Variants in FCRLB observed in about 807,000 individuals in gnomAD.
FCRLB encodes Fc receptor like B.
A neutral mutation model predicts 33.6 loss-of-function variants in FCRLB; 34 were observed. The observed-to-expected ratio is 1.01, with a 90% CI of 0.77 to 1.35. The LOEUF (loss-of-function observed/expected upper bound fraction) is 1.35, where lower values mean the gene tolerates loss of function less well. Among genes scored for constraint, FCRLB ranks in the 40% most tolerant of loss-of-function variants. FCRLB has a pLI of 0.00. For missense variants in FCRLB, 560 were observed against 580.2 expected (o/e 0.97, Z 0.36); for synonymous variants, 280 against 255.9 (o/e 1.09, Z -0.90).
chr1:161,727,081 TGG>T, intron 7 of FCRLB, 88 bp downstream of exon 7: 2 of 784,310 alleles, frequency 2.6e-6, no homozygotes, highest in Non-Finnish European at 3.2e-6. Flanking sequence ...CCCCGCCCCC[TGG>T]TTCCCGTCCC....
intron 5 of FCRLB, among the ~76,000 whole-genome samples, chr1:161,723,889 C>G (rs67476681): frequency 0.082 from 12,435 of 152,184 alleles, 1,150 homozygotes; most frequent in East Asian, 0.39. Flanking sequence ...GAGACCAGCT[C>G]AGAAGAGCAA....
At chr1:161,725,227 C>T (rs1683500883) in intron 5 of FCRLB, among the ~76,000 whole-genome samples, 1 of 152,184 alleles carries the variant, frequency 6.6e-6, no homozygotes, top group African/African-American at 2.4e-5. Flanking sequence ...TCTCTGGCAT[C>T]TTTGCTCCCT....
In FCRLB at chr1:161,726,599, C is replaced by A. The variant is rs375372824; in HGVS notation, c.575-104C>A. ...TGGACACACGGCCTCCTCCCCTCCC[C>A]CCTTGGTCTGTGGGTCTGCAAGGAG... On this transcript the variant is annotated intron_variant, in intron 6 of 7. Coordinates refer to ENST00000367948, the Ensembl canonical transcript of FCRLB. This position sits in a 1 kb window ranked among gnomAD's most constrained non-coding sequence, Gnocchi z 5.2. 6.8e-5 allele frequency: 100 copies of A among 1,472,368 alleles called. No homozygotes were observed. The highest frequency in any genetic ancestry group is 1.0e-5 in the Non-Finnish European group (11 of 1,089,596). The allele number at this position is 1,472,368 out of a possible 1,614,324, so 91.2% of individuals were successfully genotyped here. A position where few individuals can be genotyped will look rare whatever the true frequency, so the allele number is the denominator to read the frequency against.
At chr1:161,727,491 C>T in exon 8 of FCRLB, 1 of 1,614,174 alleles carries the variant, frequency 6.2e-7, no homozygotes, top group Non-Finnish European at 8.5e-7. Context: ...TGAAACCCGA[C>T]GTGGACCTTC....
exon 8 of FCRLB, chr1:161,727,607 C>T (rs1405876779): frequency 4.3e-6 from 7 of 1,614,056 alleles, no homozygotes; most frequent in Non-Finnish European, 5.9e-6. Context: ...GAGACCCCCA[C>T]CTCTCACTTT....
chr1:161,721,586 GAC>G (rs1683379305), exon 1 of FCRLB: 1 of 152,194 alleles, frequency 6.6e-6, no homozygotes. Context: ...CCTGGGAGTT[GAC>G]AGTACCTGAT....
Position 161,724,636 on chromosome 1 carries a change from A to G in FCRLB, c.307+1015A>G, listed in dbSNP as rs145739258. On this transcript the variant is annotated intron_variant, in intron 5 of 7. Transcript: ENST00000367948. ...TAGCACTTACACACACTTCATATTC[A>G]TACTCTGTGGTTTCTTGTTCGGAAA... Among the ~76,000 whole-genome samples the G allele has an allele frequency of 5.9e-3, 905 of 152,274 alleles. 1 individual carries two copies. Among genetic ancestry groups the G allele is most frequent in the Middle Eastern group, 0.031 (9 of 294 alleles).
Position 161,726,919 on chromosome 1 carries a change from C to A in FCRLB, c.791C>A (p.Ser264Ter). Residue 264 changes from serine (S) to a stop codon, truncating the protein, a stop_gained, in exon 7 of 8, where the codon TCG (serine) becomes TAG (stop). Transcript: ENST00000367948. LOFTEE classifies it high-confidence loss of function. The surrounding 1 kb of genome is among the most constrained non-coding windows in gnomAD (Gnocchi z 5.2). ...GAGCCCGAGGTCGAGGAGCTCGAATCGTACTGGTGCGAGGCGGCTACCGCC... is the reference window on the plus strand; with the variant it reads ...GAGCCCGAGGTCGAGGAGCTCGAATAGTACTGGTGCGAGGCGGCTACCGCC... The A allele has an allele frequency of 6.4e-7, 1 of 1,573,936 alleles. No homozygotes were observed. The highest frequency in any genetic ancestry group is 8.6e-7 in the Non-Finnish European group (1 of 1,159,812).
Position 161,726,571 on chromosome 1 carries a change from AC to A in FCRLB, c.575-131del. On this transcript the variant is annotated intron_variant, in intron 6 of 7. Transcript: ENST00000367948. The surrounding 1 kb of genome is among the most constrained non-coding windows in gnomAD (Gnocchi z 5.2). ...TTCAGAAGGCTCCCCTTCCCCCTCC[AC>A]GTGGACACACGGCCTCCTCCCCTCC... 1 of 1,260,480 alleles carries A rather than the reference AC, an allele frequency of 7.9e-7. No homozygotes were observed. Among genetic ancestry groups the A allele is most frequent in the Non-Finnish European group, 1.1e-6 (1 of 897,398 alleles). 78.1% of individuals were successfully genotyped at this position (1,260,480 alleles called of 1,614,324 possible).
chr1:161,723,653 C>A (rs575492581), intron 5 of FCRLB, 32 bp downstream of exon 5: 6 of 1,599,484 alleles, frequency 3.8e-6, no homozygotes, highest in Non-Finnish European at 5.1e-6. Context: ...GGAGGGGGAG[C>A]ACGTGTCTCC....
Position 161,726,764 on chromosome 1 carries a change from G to A in FCRLB, c.636G>A (p.Leu212=), listed in dbSNP as rs767152206. ...CGCGGGAGGCCCGCGGCGCGGCGCT[G>A]GGTGGGGTGGTGCTGCGCTGCGACA... The change falls in exon 7 of 8, where the codon CTG becomes CTA. Residue 212 remains leucine (L), a synonymous_variant. Coordinates refer to ENST00000367948, the Ensembl canonical transcript of FCRLB. The surrounding 1 kb of genome is among the most constrained non-coding windows in gnomAD (Gnocchi z 5.2). The A allele has an allele frequency of 9.5e-6, 15 of 1,584,224 alleles. No homozygotes were observed. Among genetic ancestry groups the A allele is most frequent in the Non-Finnish European group, 1.3e-5 (15 of 1,168,676 alleles).
At chr1:161,727,708 C>G in exon 8 of FCRLB, 3 of 1,517,774 alleles carry the variant, frequency 2.0e-6, no homozygotes, top group Non-Finnish European at 2.6e-6. Context: ...TCCTTGGTCT[C>G]CTGCTTCCCC....
chr1:161,723,486 A>C, exon 5 of FCRLB: 1 of 1,614,174 alleles, frequency 6.2e-7, no homozygotes, highest in Non-Finnish European at 8.5e-7. Flanking sequence ...CCAGCCCATC[A>C]GCACTCTCTG....
intron 4 of FCRLB, 95 bp downstream of exon 4, chr1:161,723,104 G>A (rs1232856523): frequency 8.8e-6 from 13 of 1,481,430 alleles, no homozygotes; most frequent in Admixed American, 3.4e-5. Flanking sequence ...TCTTGGCTGC[G>A]CTGGGATAGT....
At position 161,726,105 on chromosome 1, in the gene FCRLB, C is replaced by G. The variant is rs1369671248; in HGVS notation, c.574+18C>G. ...AGTGCAAGGTGGGAGAGACCAGGGGCCCCGGGAGGGAGGCAAATGAGCATT... is the reference window on the plus strand; with the variant it reads ...AGTGCAAGGTGGGAGAGACCAGGGGGCCCGGGAGGGAGGCAAATGAGCATT... On this transcript the variant is annotated intron_variant, in intron 6 of 7. Coordinates refer to ENST00000367948, the Ensembl canonical transcript of FCRLB. This position sits in a 1 kb window ranked among gnomAD's most constrained non-coding sequence, Gnocchi z 5.2. 1.2e-6 allele frequency: 2 copies of G among 1,604,646 alleles called. No individual in the cohort carries two copies. The highest frequency in any genetic ancestry group is 1.1e-5 in the South Asian group (1 of 90,242).
Position 161,726,759 on chromosome 1 carries a change from G to C in FCRLB, c.631G>C (p.Ala211Pro), listed in dbSNP as rs1236861845. The change falls in exon 7 of 8, where the codon GCG becomes CCG. Residue 211 changes from alanine to proline, a missense_variant. Physicochemically the swap from Ala to Pro is conservative, Grantham distance 27. Transcript: ENST00000367948. This position sits in a 1 kb window ranked among gnomAD's most constrained non-coding sequence, Gnocchi z 5.2. ...GGGTCCGCGGGAGGCCCGCGGCGCG[G>C]CGCTGGGTGGGGTGGTGCTGCGCTG... 1 of 1,586,752 alleles carries C rather than the reference G, an allele frequency of 6.3e-7. No homozygotes were observed. Among genetic ancestry groups the C allele is most frequent in the East Asian group, 2.3e-5 (1 of 44,170 alleles).
intron 5 of FCRLB, among the ~76,000 whole-genome samples, 182 bp downstream of exon 5, chr1:161,723,803 G>C (rs552495473): frequency 6.6e-6 from 1 of 152,302 alleles, no homozygotes; most frequent in Non-Finnish European, 1.5e-5. Context: ...ATGCAGTAAG[G>C]CATGCCTAGC....
At chr1:161,723,233 G>A in intron 4 of FCRLB, 134 bp from the exon 5 acceptor site, 1 of 1,156,674 alleles carries the variant, frequency 8.6e-7, no homozygotes, top group Non-Finnish European at 1.2e-6. Flanking sequence ...TCTCCTGCAG[G>A]GATGGGTTAG....
At chr1:161,725,695 C>A (rs548782105) in intron 5 of FCRLB, 126 bp from the exon 6 acceptor site, 4 of 1,116,492 alleles carry the variant, frequency 3.6e-6, no homozygotes, top group East Asian at 2.5e-5. Context: ...GAAAAGAAAG[C>A]GGTGGGAGAT....
Sources: gnomAD v4.1 joint callset for allele counts (sites outside exome capture counted in the v4.1 genomes callset) on GRCh38, gnomAD v4.1.1 for gene constraint, Gnocchi (gnomAD v3.1) non-coding constraint, MANE v1.5 for transcripts, NCBI Gene and HGNC (gene_info 2026-07-23, HGNC 2026-07-21) for gene names.